DCC: variants seen among roughly 807,000 people sequenced by gnomAD.
The protein encoded by DCC is netrin receptor DCC.
In DCC, 58 loss-of-function variants were observed where a neutral mutation model predicts 172.5. That is an observed-to-expected ratio of 0.34 (90% CI 0.27 to 0.42). The LOEUF is 0.42. Among genes scored for constraint, DCC ranks in the 10% least tolerant of loss-of-function variants. The pLI is 1.00. For synonymous variants in DCC, 709 were observed against 644.5 expected (o/e 1.10, Z -1.52); for missense variants, 1,740 against 1,791.0 (o/e 0.97, Z 0.51).
chr18:52,881,211 T>G (rs1382102945), intron 2 of DCC, among the ~76,000 whole-genome samples: 1 of 152,124 alleles, frequency 6.6e-6, no homozygotes, highest in Non-Finnish European at 1.5e-5. Context: ...GGATTAGACT[T>G]TTTCCTATAA....
At chr18:53,381,863 A>G (rs948545375) in intron 15 of DCC, among the ~76,000 whole-genome samples, 1 of 152,000 alleles carries the variant, frequency 6.6e-6, no homozygotes, top group South Asian at 2.1e-4. Context: ...GAAAAATTTG[A>G]TAATTTCTCA....
chr18:52,575,069 A>G (rs2033378905), intron 1 of DCC, among the ~76,000 whole-genome samples: 1 of 152,156 alleles, frequency 6.6e-6, no homozygotes, highest in African/African-American at 2.4e-5. Flanking sequence ...AGTCATAGCT[A>G]ATCATGACAT....
At chr18:53,340,613 A>G (rs1026185689) in intron 15 of DCC, among the ~76,000 whole-genome samples, 1 of 152,174 alleles carries the variant, frequency 6.6e-6, no homozygotes, top group Non-Finnish European at 1.5e-5. Context: ...AGAGAGGTCT[A>G]ATGTGTGTAA....
chr18:53,176,519 G>A (rs1188045068), intron 8 of DCC, among the ~76,000 whole-genome samples: 1 of 150,892 alleles, frequency 6.6e-6, no homozygotes, highest in Non-Finnish European at 1.5e-5. Context: ...GTGGGCAAAG[G>A]ACATGAACAG....
intron 1 of DCC, among the ~76,000 whole-genome samples, chr18:52,644,690 G>C (rs2034976930): frequency 6.6e-6 from 1 of 151,642 alleles, no homozygotes; most frequent in Non-Finnish European, 1.5e-5. Flanking sequence ...AAGAGTTTGA[G>C]GCTGCAGTGA....
At chr18:53,165,520 G>A (rs2054904302) in intron 8 of DCC, among the ~76,000 whole-genome samples, 1 of 152,130 alleles carries the variant, frequency 6.6e-6, no homozygotes, top group South Asian at 2.1e-4. Flanking sequence ...ATGACATTCT[G>A]GCCCTGGCTT....
rs148193181 is a variant in DCC at position 52,943,554 on chromosome 18, C to T, written c.985+18184C>T. Among the ~76,000 whole-genome samples, 763 of 152,066 alleles carry T rather than the reference C, an allele frequency of 5.0e-3. 6 individuals carry two copies. The highest frequency in any genetic ancestry group is 0.018 in the African/African-American group (732 of 41,492). On this transcript the variant is annotated intron_variant, in intron 5 of 28. Transcript: ENST00000442544. ...TATCGCTGTGTTTTTTTAATTGATG[C>T]ATGAAAGCACTTTCTGCATCATTTA...
intron 14 of DCC, among the ~76,000 whole-genome samples, chr18:53,332,846 ATAAAT>A (rs1405004499): frequency 2.0e-5 from 3 of 152,148 alleles, no homozygotes; most frequent in Non-Finnish European, 2.9e-5. Context: ...TATTTTTAAA[ATAAAT>A]TAAAAATGAA....
chr18:53,068,385 A>G (rs1370096189), intron 7 of DCC, among the ~76,000 whole-genome samples: 1 of 151,632 alleles, frequency 6.6e-6, no homozygotes, highest in African/African-American at 2.4e-5. Flanking sequence ...TTAGCATTAG[A>G]TGTATCTCCT....
At chr18:52,670,308 T>C (rs1333647768) in intron 1 of DCC, among the ~76,000 whole-genome samples, 1 of 152,194 alleles carries the variant, frequency 6.6e-6, no homozygotes, top group Non-Finnish European at 1.5e-5. Context: ...AGGATGTGGA[T>C]GGAAGACCAG....
At chr18:52,561,738 G>T (rs1185253028) in intron 1 of DCC, among the ~76,000 whole-genome samples, 1 of 152,012 alleles carries the variant, frequency 6.6e-6, no homozygotes. Flanking sequence ...TATTCACTTC[G>T]CGGTGGGTTT....
At chr18:52,991,305 C>A (rs1568231891) in intron 5 of DCC, among the ~76,000 whole-genome samples, 1 of 152,078 alleles carries the variant, frequency 6.6e-6, no homozygotes, top group East Asian at 1.9e-4. Flanking sequence ...TAGCAGTCTG[C>A]AAACTTTTTA....
At chr18:52,421,630 A>G (rs1987251961) in intron 1 of DCC, among the ~76,000 whole-genome samples, 1 of 152,210 alleles carries the variant, frequency 6.6e-6, no homozygotes, top group Non-Finnish European at 1.5e-5. Context: ...ATAGGGAATC[A>G]GGTGATCTTG....
intron 14 of DCC, among the ~76,000 whole-genome samples, chr18:53,339,238 A>C (rs560801111): frequency 6.6e-6 from 1 of 152,232 alleles, no homozygotes; most frequent in Non-Finnish European, 1.5e-5. Context: ...TGCTGGACAG[A>C]TCATGGCCCT....
At chr18:52,691,665 G>A (rs6508148) in intron 1 of DCC, among the ~76,000 whole-genome samples, 112,587 of 151,992 alleles carry the variant, frequency 0.74, 42,031 homozygotes, top group African/African-American at 0.79. Context: ...GGATGACCTA[G>A]TTTTAACTTA....
intron 12 of DCC, among the ~76,000 whole-genome samples, chr18:53,254,565 A>G (rs1375591505): frequency 6.6e-6 from 1 of 152,074 alleles, no homozygotes; most frequent in Admixed American, 6.6e-5. Context: ...CTTCTTCCCT[A>G]TTCCTAACTG....
rs887654007 is a variant in DCC, at chr18:53,058,170, T to A, written c.986-5135T>A. Among the ~76,000 whole-genome samples, 7 of 152,222 alleles carry A rather than the reference T, an allele frequency of 4.6e-5. No individual in the cohort carries two copies. The South Asian group carries it at 8.3e-4, about 18-fold the overall frequency. ...TTAGTCAGTTTTTCTATCTGTAAAA[T>A]AAAACAATTATATTAAATCATCCTA... is the stretch of plus-strand genomic sequence containing the variant. On this transcript the variant is annotated intron_variant, in intron 5 of 28. Coordinates refer to ENST00000442544, the MANE Select transcript of DCC (RefSeq NM_005215.4).
intron 1 of DCC, among the ~76,000 whole-genome samples, chr18:52,492,719 G>A (rs540399884): frequency 9.2e-5 from 14 of 152,158 alleles, no homozygotes; most frequent in Middle Eastern, 3.4e-3. Context: ...GTGTTGCCCC[G>A]CAGTGTGTGT....
intron 2 of DCC, among the ~76,000 whole-genome samples, chr18:52,864,846 AG>A (rs1270989944): frequency 6.6e-6 from 1 of 151,866 alleles, no homozygotes; most frequent in Admixed American, 6.6e-5. Context: ...GTCCCTGCAA[AG>A]GATATGAACT....
Sources: allele counts gnomAD v4.1 joint callset (sites outside exome capture counted in the v4.1 genomes callset), GRCh38; gene constraint gnomAD v4.1.1; transcripts MANE v1.5; gene names NCBI Gene and HGNC (gene_info 2026-07-23, HGNC 2026-07-21).